The following CFAP47 variants were observed in gnomAD, a reference collection of about 807,000 sequenced individuals.
The protein encoded by CFAP47 is cilia- and flagella-associated protein 47.
CFAP47 carries 29 observed loss-of-function variants against 148.1 expected under a neutral mutation model. That is an observed-to-expected ratio of 0.20 (90% confidence interval 0.15 to 0.27). CFAP47 has a LOEUF of 0.27. CFAP47 is among the 10% of genes least tolerant of loss of function. CFAP47 has a pLI of 1.00. For synonymous variants in CFAP47, 664 were observed against 577.3 expected (o/e 1.15, Z -2.15); for missense variants, 1,872 against 1,697.5 (o/e 1.10, Z -1.81).
chrX:36,210,300 G>T (rs1940085445), intron 45 of CFAP47, among the ~76,000 whole-genome samples: 1 of 111,856 alleles, frequency 8.9e-6, no homozygotes, highest in South Asian at 3.8e-4. Flanking sequence ...CAAAGTGGCT[G>T]CACCATCTTA....
chrX:36,117,111 T>C (rs921184422), intron 33 of CFAP47, among the ~76,000 whole-genome samples: 6 of 112,486 alleles, frequency 5.3e-5, no homozygotes, highest in African/African-American at 1.9e-4. Context: ...TGAATGGTTC[T>C]CCATTGTGTA....
Position 35,924,050 on chromosome X carries a change from T to C in CFAP47, c.250-1967T>C, listed in dbSNP as rs868016129. 1.0e-3 allele frequency among the ~76,000 whole-genome samples: 95 copies of C among 93,630 alleles called. 8 individuals are homozygous for C. The highest frequency in any genetic ancestry group is 3.1e-3 in the African/African-American group (67 of 21,546). The allele number at this position is 93,630 out of a possible 115,157, so 81.3% of individuals were successfully genotyped here. A position where few individuals can be genotyped will look rare whatever the true frequency, so the allele number is the denominator to read the frequency against. On this transcript the variant is annotated intron_variant, in intron 1 of 63. Transcript: ENST00000378653. ...ATATATGCACATATATGTGTATATG[T>C]ACATGTATGCGCACATATATGTATA...
At chrX:35,937,769 C>CTG (rs10678418) in intron 2 of CFAP47, among the ~76,000 whole-genome samples, 31,594 of 109,754 alleles carry the variant, frequency 0.29, 5,333 homozygotes, top group African/African-American at 0.63. Context: ...TTAAAAAAAA[C>CTG]TGTTGGAGTG....
At chrX:36,170,451 C>G (rs1223074217) in intron 39 of CFAP47, among the ~76,000 whole-genome samples, 1 of 109,867 alleles carries the variant, frequency 9.1e-6, no homozygotes, top group East Asian at 2.9e-4. Flanking sequence ...TCCCTCCTCC[C>G]CCGACCCCAC....
intron 59 of CFAP47, among the ~76,000 whole-genome samples, chrX:36,352,510 T>C (rs1941750802): frequency 9.0e-6 from 1 of 111,235 alleles, no homozygotes; most frequent in Admixed American, 9.6e-5. Flanking sequence ...TTTGTGTGAA[T>C]ATATTATTAT....
chrX:36,175,104 G>A (rs1460538000), intron 39 of CFAP47, among the ~76,000 whole-genome samples: 1 of 111,513 alleles, frequency 9.0e-6, no homozygotes, highest in Admixed American at 9.5e-5. Context: ...GGCTCCTGAG[G>A]CTTCTGCATT....
At chrX:36,204,094 G>A (rs1445531451) in intron 44 of CFAP47, among the ~76,000 whole-genome samples, 1 of 110,972 alleles carries the variant, frequency 9.0e-6, no homozygotes, top group Non-Finnish European at 1.9e-5. Context: ...TTTTTGATGG[G>A]GTCGTTTGTT....
At chrX:36,322,967 T>A (rs1941490084) in intron 57 of CFAP47, among the ~76,000 whole-genome samples, 1 of 111,360 alleles carries the variant, frequency 9.0e-6, no homozygotes, top group South Asian at 3.7e-4. Context: ...AAATGGGAGT[T>A]TGGCTTCTTA....
chrX:36,237,530 A>G (rs1398369456), intron 48 of CFAP47, among the ~76,000 whole-genome samples: 3 of 110,862 alleles, frequency 2.7e-5, no homozygotes, highest in African/African-American at 9.8e-5. Context: ...GGGTTTTACC[A>G]TGTTGGCCAG....
At chrX:35,931,312 C>T (rs1935822627) in intron 2 of CFAP47, among the ~76,000 whole-genome samples, 1 of 110,741 alleles carries the variant, frequency 9.0e-6, no homozygotes, top group Non-Finnish European at 1.9e-5. Context: ...GCACTGAAGC[C>T]TCTAGTAGAT....
intron 49 of CFAP47, among the ~76,000 whole-genome samples, chrX:36,257,227 A>C (rs2146927247): frequency 9.0e-6 from 1 of 111,422 alleles, no homozygotes; most frequent in South Asian, 3.8e-4. Flanking sequence ...GTAATCGAGT[A>C]TCTTCCCTTT....
chrX:36,341,439 C>A (rs1235728885), intron 57 of CFAP47, among the ~76,000 whole-genome samples: 3 of 111,030 alleles, frequency 2.7e-5, no homozygotes, highest in Non-Finnish European at 3.8e-5. Context: ...AAAACGGGAG[C>A]AGAAATGTAA....
At chrX:36,284,354 T>A (rs782670646) in intron 50 of CFAP47, among the ~76,000 whole-genome samples, 1 of 111,642 alleles carries the variant, frequency 9.0e-6, no homozygotes, top group African/African-American at 3.2e-5. Context: ...ATTGTAACTA[T>A]TTTTTTCTCT....
At chrX:36,000,008 A>C (rs944088392) in intron 19 of CFAP47, among the ~76,000 whole-genome samples, 3 of 111,183 alleles carry the variant, frequency 2.7e-5, no homozygotes, top group African/African-American at 9.8e-5. Context: ...AAAAGTAAAA[A>C]TCTAGAAACT....
At chrX:36,051,501 C>T (rs762240462) in intron 26 of CFAP47, among the ~76,000 whole-genome samples, 2 of 111,837 alleles carry the variant, frequency 1.8e-5, no homozygotes, top group Non-Finnish European at 3.8e-5. Context: ...TTTGGACTTG[C>T]ATGAGGCCTG....
At chrX:36,374,762 G>T in intron 62 of CFAP47, 2 of 558,522 alleles carry the variant, frequency 3.6e-6, no homozygotes, top group South Asian at 2.9e-5. Flanking sequence ...TTTTCCATGA[G>T]GCATTTTATT....
chrX:36,194,666 G>GGA (rs1395268741), intron 42 of CFAP47, among the ~76,000 whole-genome samples: 5 of 111,347 alleles, frequency 4.5e-5, no homozygotes, highest in African/African-American at 1.6e-4. Context: ...ATGGCTGGCA[G>GGA]GAGAGAGAGA....
chrX:35,923,052 A>T (rs1345636252), intron 1 of CFAP47, among the ~76,000 whole-genome samples: 2 of 111,278 alleles, frequency 1.8e-5, no homozygotes. Context: ...TTATGTCTCT[A>T]TCACTCATAT....
At chrX:36,195,822 A>T (rs1188669510) in intron 42 of CFAP47, among the ~76,000 whole-genome samples, 1 of 111,570 alleles carries the variant, frequency 9.0e-6, no homozygotes, top group Admixed American at 9.6e-5. Context: ...GACACATTTG[A>T]GTGAAATGGT....
Sources: gnomAD v4.1 joint callset for allele counts (sites outside exome capture counted in the v4.1 genomes callset) on GRCh38, gnomAD v4.1.1 for gene constraint, MANE v1.5 for transcripts, NCBI Gene and HGNC (gene_info 2026-07-23, HGNC 2026-07-21) for gene names.